The following EXO1 variants were observed in gnomAD, a reference collection of about 807,000 sequenced individuals.
EXO1 encodes exonuclease 1.
In EXO1, 69 loss-of-function variants were observed where a neutral mutation model predicts 84.5. The ratio of observed to expected loss-of-function variants is 0.82; its 90% CI spans 0.67 to 1.00. The LOEUF (loss-of-function observed/expected upper bound fraction) is 1.00. Ranked by LOEUF, EXO1 falls within the 50% of genes least tolerant of loss-of-function variation. The pLI is 0.00. For missense variants in EXO1, 1,045 were observed against 1,000.7 expected (o/e 1.04, Z -0.60); for synonymous variants, 373 against 366.1 (o/e 1.02, Z -0.21).
At chr1:241,878,071 A>G (rs949933729) in intron 12 of EXO1, among the ~76,000 whole-genome samples, 2 of 152,250 alleles carry the variant, frequency 1.3e-5, no homozygotes, top group Non-Finnish European at 2.9e-5. Context: ...AGACATGGGA[A>G]GTACCTGCCC....
At chr1:241,878,639 G>A in intron 12 of EXO1, 110 bp from the exon 13 acceptor site, 2 of 691,198 alleles carry the variant, frequency 2.9e-6, no homozygotes, top group Non-Finnish European at 4.9e-6. Flanking sequence ...ATATATTTAT[G>A]AGACTTTTTT....
intron 3 of EXO1, 50 bp from the exon 4 acceptor site, chr1:241,850,359 A>G: frequency 8.2e-7 from 1 of 1,223,690 alleles, no homozygotes. Context: ...GTTTTAATAA[A>G]TGTATTTTTC....
chr1:241,857,276 T>G, intron 6 of EXO1, 69 bp from the exon 7 acceptor site: 1 of 1,522,734 alleles, frequency 6.6e-7, no homozygotes, highest in Non-Finnish European at 9.1e-7. Flanking sequence ...TAAAGTGGGT[T>G]TGAAACAGGA....
rs568551997 is a variant in EXO1 at position 241,865,021 on chromosome 1, A to G, written c.1042-1809A>G. On this transcript the variant is annotated intron_variant, in intron 10 of 15. Coordinates refer to ENST00000366548, the MANE Select transcript of EXO1 (RefSeq NM_130398.4). ...CTTGAGTAGCTGGAACTACAGGCAC[A>G]TGCCACCATGCCTGGCTAATTTTGT... Among the ~76,000 whole-genome samples the G allele has an allele frequency of 3.3e-5, 5 of 151,630 alleles. No individual in the cohort carries two copies. In the East Asian group the frequency reaches 7.8e-4, roughly 24 times the overall value.
chr1:241,876,753 C>T (rs1212281411), intron 12 of EXO1, among the ~76,000 whole-genome samples: 1 of 152,156 alleles, frequency 6.6e-6, no homozygotes, highest in Non-Finnish European at 1.5e-5. Flanking sequence ...AGAGGTTAAG[C>T]ATTCTCAAAG....
At chr1:241,867,552 C>T (rs904721292) in intron 11 of EXO1, among the ~76,000 whole-genome samples, 14 of 151,982 alleles carry the variant, frequency 9.2e-5, no homozygotes, top group Non-Finnish European at 1.9e-4. Context: ...TTACATTTTA[C>T]AGTTTTAGCC....
Position 241,872,029 on chromosome 1 carries a change from T to C in EXO1, c.1268-3T>C. 6.2e-7 allele frequency: 1 copy of C among 1,613,086 alleles called. No homozygotes were observed. Among genetic ancestry groups the C allele is most frequent in the Non-Finnish European group, 8.5e-7 (1 of 1,179,214 alleles). ...ATTTACAGATAATTTTGTTTTTATT[T>C]AGCAGAGCTGTCAGAAGATGACCTG... On this transcript the variant is annotated splice_polypyrimidine_tract_variant and splice_region_variant and intron_variant, in intron 11 of 15. Transcript: ENST00000366548.
At chr1:241,888,848 G>A (rs995276750) in intron 15 of EXO1, among the ~76,000 whole-genome samples, 2 of 152,160 alleles carry the variant, frequency 1.3e-5, no homozygotes, top group African/African-American at 4.8e-5. Flanking sequence ...GCTGAGGCAG[G>A]CAGATCACTT....
intron 10 of EXO1, among the ~76,000 whole-genome samples, chr1:241,864,937 G>T (rs1182017863): frequency 6.7e-6 from 1 of 150,144 alleles, no homozygotes; most frequent in East Asian, 1.9e-4. Context: ...AGGCTGGAGT[G>T]CAGTGGCACC....
chr1:241,874,758 A>T (rs929758238), intron 12 of EXO1, among the ~76,000 whole-genome samples: 20 of 152,246 alleles, frequency 1.3e-4, no homozygotes, highest in African/African-American at 4.6e-4. Context: ...CGATGAAAGG[A>T]TTAAATGAGT....
At chr1:241,850,096 A>G (rs1431232497) in intron 3 of EXO1, among the ~76,000 whole-genome samples, 1 of 151,808 alleles carries the variant, frequency 6.6e-6, no homozygotes, top group East Asian at 1.9e-4. Context: ...CCTGGCTAAC[A>G]TGGTGAAACC....
intron 4 of EXO1, among the ~76,000 whole-genome samples, chr1:241,851,882 T>C (rs984880416): frequency 1.3e-5 from 2 of 152,234 alleles, no homozygotes; most frequent in African/African-American, 4.8e-5. Flanking sequence ...ACTATTAAAT[T>C]ACTTAGCTGT....
chr1:241,851,936 T>G (rs1660693863), intron 4 of EXO1, among the ~76,000 whole-genome samples: 1 of 151,620 alleles, frequency 6.6e-6, no homozygotes, highest in Non-Finnish European at 1.5e-5. Flanking sequence ...TGTACTATTC[T>G]TTCAACTTTT....
intron 12 of EXO1, among the ~76,000 whole-genome samples, chr1:241,874,809 A>C (rs1014125894): frequency 6.6e-6 from 1 of 152,178 alleles, no homozygotes; most frequent in African/African-American, 2.4e-5. Flanking sequence ...TTATAGATAG[A>C]TGATAAACAT....
intron 13 of EXO1, among the ~76,000 whole-genome samples, 157 bp downstream of exon 13, chr1:241,879,500 T>TG (rs1662618222): frequency 6.6e-6 from 1 of 152,248 alleles, no homozygotes; most frequent in Non-Finnish European, 1.5e-5. Flanking sequence ...TTTATTCATT[T>TG]GAAGGACTTC....
chr1:241,862,477 T>A (rs959749529), intron 10 of EXO1, among the ~76,000 whole-genome samples: 1 of 151,520 alleles, frequency 6.6e-6, no homozygotes, highest in African/African-American at 2.5e-5. Flanking sequence ...CTCTTGCGTC[T>A]CTGATTTCCT....
intron 12 of EXO1, among the ~76,000 whole-genome samples, chr1:241,872,591 G>A (rs1034856956): frequency 1.4e-4 from 21 of 152,064 alleles, no homozygotes; most frequent in African/African-American, 4.3e-4. Context: ...ATTTATGAGC[G>A]AGAACATGTG....
chr1:241,873,407 G>A (rs570175656), intron 12 of EXO1, among the ~76,000 whole-genome samples: 44 of 152,062 alleles, frequency 2.9e-4, no homozygotes, highest in Non-Finnish European at 4.4e-4. Flanking sequence ...TAATCTCTCC[G>A]TACAGAATCA....
At chr1:241,857,204 C>T in intron 6 of EXO1, 141 bp from the exon 7 acceptor site, 1 of 774,394 alleles carries the variant, frequency 1.3e-6, no homozygotes, top group Middle Eastern at 2.6e-4. Context: ...AGTAGAAAAA[C>T]TCTACTTCAA....
Sources: allele counts gnomAD v4.1 joint callset (sites outside exome capture counted in the v4.1 genomes callset), GRCh38; gene constraint gnomAD v4.1.1; transcripts MANE v1.5; gene names NCBI Gene and HGNC (gene_info 2026-07-23, HGNC 2026-07-21).